KIF6: variants seen among roughly 807,000 people sequenced by gnomAD.
KIF6 encodes the protein kinesin family member 6.
Under a neutral mutation model 112.7 loss-of-function variants are expected in KIF6, and 106 were observed. The observed-to-expected ratio is 0.94, with a 90% CI of 0.80 to 1.11. The LOEUF is 1.11. Among genes scored for constraint, KIF6 ranks in the 50% least tolerant of loss-of-function variants. The pLI, the probability that KIF6 is intolerant of heterozygous loss-of-function variation, is 0.00. For missense variants in KIF6, 929 were observed against 964.0 expected (o/e 0.96, Z 0.48); for synonymous variants, 339 against 339.9 (o/e 1.00, Z 0.03).
At chr6:39,652,501 T>C (rs1785530098) in intron 3 of KIF6, among the ~76,000 whole-genome samples, 1 of 149,944 alleles carries the variant, frequency 6.7e-6, no homozygotes, top group South Asian at 2.1e-4. Flanking sequence ...TACTCCAGCC[T>C]GGGCAACAGG....
chr6:39,488,401 TG>T (rs1045795734), intron 13 of KIF6, among the ~76,000 whole-genome samples: 3 of 152,244 alleles, frequency 2.0e-5, no homozygotes, highest in African/African-American at 7.2e-5. Flanking sequence ...TCCCCTGTCT[TG>T]GACTTGCTGT....
intron 13 of KIF6, among the ~76,000 whole-genome samples, chr6:39,514,138 A>G (rs1776933888): frequency 6.6e-6 from 1 of 152,100 alleles, no homozygotes; most frequent in Admixed American, 6.6e-5. Context: ...CCTACTTTTG[A>G]ATTCATAATT....
intron 6 of KIF6, 35 bp downstream of exon 6, chr6:39,613,154 G>A (rs748178325): frequency 6.7e-7 from 1 of 1,499,498 alleles, no homozygotes; most frequent in Non-Finnish European, 8.9e-7. Context: ...ATCTTATAAT[G>A]TTGAAGAAAC....
chr6:39,702,540 A>G (rs151136313), intron 3 of KIF6, among the ~76,000 whole-genome samples: 4 of 152,328 alleles, frequency 2.6e-5, no homozygotes, highest in East Asian at 3.9e-4. Flanking sequence ...ACACAACTTA[A>G]TATCTTTCAT....
At chr6:39,340,888 A>G (rs1763290451) in intron 22 of KIF6, among the ~76,000 whole-genome samples, 1 of 152,066 alleles carries the variant, frequency 6.6e-6, no homozygotes, top group Admixed American at 6.6e-5. Context: ...GTTGGTTTCT[A>G]TGGATTTGTT....
intron 3 of KIF6, among the ~76,000 whole-genome samples, chr6:39,677,949 T>G (rs896142533): frequency 6.8e-6 from 1 of 147,424 alleles, no homozygotes; most frequent in African/African-American, 2.5e-5. Flanking sequence ...ACATTTGGGT[T>G]GGTTCCAAGT....
At chr6:39,401,436 G>A (rs1331345310) in intron 15 of KIF6, among the ~76,000 whole-genome samples, 1 of 152,190 alleles carries the variant, frequency 6.6e-6, no homozygotes, top group East Asian at 1.9e-4. Context: ...GAGACATGGA[G>A]GGAAGGCAGC....
chr6:39,563,405 T>A (rs1780115904), intron 10 of KIF6, among the ~76,000 whole-genome samples: 1 of 152,184 alleles, frequency 6.6e-6, no homozygotes, highest in Admixed American at 6.5e-5. Context: ...GTATTTTTCA[T>A]CACAAAAGTG....
chr6:39,632,589 A>G (rs1348849848), intron 5 of KIF6, among the ~76,000 whole-genome samples: 1 of 107,708 alleles, frequency 9.3e-6, no homozygotes, highest in African/African-American at 4.9e-5. Context: ...CAAGTACAGC[A>G]AAAAAAAAAA....
Position 39,596,275 on chromosome 6 carries a change from C to T in KIF6, c.640-15G>A. On this transcript the variant is annotated splice_polypyrimidine_tract_variant and intron_variant, in intron 6 of 22. Transcript: ENST00000287152. The stretch of plus-strand genomic sequence containing the variant: ...TTCATAGGAGTCTATAAAAAAATTG[C>T]AAAACAAAAATTATTTGAACAATGA... The T allele has an allele frequency of 1.9e-6, 3 of 1,554,120 alleles. No homozygotes were observed. Among genetic ancestry groups the T allele is most frequent in the Non-Finnish European group, 2.7e-6 (3 of 1,131,966 alleles).
intron 15 of KIF6, among the ~76,000 whole-genome samples, chr6:39,409,269 C>T (rs1338272976): frequency 6.6e-6 from 1 of 152,206 alleles, no homozygotes; most frequent in Admixed American, 6.5e-5. Flanking sequence ...GCATTGACAC[C>T]TGACTTTGGG....
intron 10 of KIF6, among the ~76,000 whole-genome samples, chr6:39,562,483 G>A (rs61581347): frequency 0.018 from 2,812 of 152,168 alleles, 76 homozygotes; most frequent in African/African-American, 0.061. Flanking sequence ...TTTTGATACC[G>A]AACCACGCAC....
At chr6:39,360,965 T>C (rs756335929) in intron 17 of KIF6, among the ~76,000 whole-genome samples, 29 of 152,186 alleles carry the variant, frequency 1.9e-4, no homozygotes, top group African/African-American at 6.3e-4. Context: ...TATAACTTGC[T>C]CTATGGGACA....
Position 39,353,983 on chromosome 6 carries a change from G to T in KIF6, c.2180+3294C>A, listed in dbSNP as rs1460846446. ...ACTGAGGGCACACTGACATTGCATGGCCTCTGTTTTCACATGGGTCCAAGC... is the reference window on the plus strand; with the variant it reads ...ACTGAGGGCACACTGACATTGCATGTCCTCTGTTTTCACATGGGTCCAAGC... On this transcript the variant is annotated intron_variant, in intron 19 of 22. Coordinates refer to ENST00000287152, the MANE Select transcript of KIF6 (RefSeq NM_145027.6). The T allele has an allele frequency of 1.8e-5, 8 of 450,666 alleles. No homozygotes were observed. The Admixed American group carries it at 2.0e-4, about 12-fold the overall frequency. The allele number at this position is 450,666 out of a possible 1,614,324, so 27.9% of individuals were successfully genotyped here.
rs188255060 is a variant in KIF6, at chr6:39,711,175, T to C, written c.251+3517A>G. ...GAGTTTTCAGATTGAAATAGCTGAC[T>C]GAGAGATAAGAATACATGAAAAAAA... On this transcript the variant is annotated intron_variant, in intron 3 of 22. Coordinates refer to ENST00000287152, the MANE Select transcript of KIF6 (RefSeq NM_145027.6). Among the ~76,000 whole-genome samples, 320 of 142,780 alleles carry C rather than the reference T, an allele frequency of 2.2e-3. 1 individual carries two copies. Among genetic ancestry groups the C allele is most frequent in the Middle Eastern group, 7.9e-3 (2 of 254 alleles). 93.7% of individuals were successfully genotyped at this position (142,780 alleles called of 152,430 possible). A position where few individuals can be genotyped will look rare whatever the true frequency, so the allele number is the denominator to read the frequency against.
At chr6:39,583,189 T>C in intron 9 of KIF6, 1 of 275,048 alleles carries the variant, frequency 3.6e-6, no homozygotes, top group East Asian at 8.4e-5. Context: ...GTCTAATATG[T>C]TTATTTTCCT....
chr6:39,519,932 G>T (rs1777294041), intron 13 of KIF6, among the ~76,000 whole-genome samples: 1 of 152,190 alleles, frequency 6.6e-6, no homozygotes, highest in East Asian at 1.9e-4. Flanking sequence ...TGAGGCAAGA[G>T]AATCGCTTGA....
At chr6:39,506,791 C>T (rs556081174) in intron 13 of KIF6, among the ~76,000 whole-genome samples, 7 of 152,216 alleles carry the variant, frequency 4.6e-5, no homozygotes, top group Admixed American at 4.6e-4. Context: ...AAGAGCAGGC[C>T]ATGATTAGAG....
rs368168479 is a variant in KIF6 at position 39,336,121 on chromosome 6, G to A, written c.*411C>T. On this transcript the variant is annotated 3_prime_UTR_variant, in exon 23 of 23. Coordinates refer to ENST00000287152, the MANE Select transcript of KIF6 (RefSeq NM_145027.6). The stretch of plus-strand genomic sequence containing the variant: ...GGCCAAGGGAGAGAGCTGGCAAATC[G>A]TTAAAAATAAAAATATTCCCCCCAC... The A allele has an allele frequency of 1.4e-3, 226 of 164,484 alleles. No homozygotes were observed. The highest frequency in any genetic ancestry group is 5.0e-3 in the African/African-American group (207 of 41,808). The allele number at this position is 164,484 out of a possible 1,614,324, so 10.2% of individuals were successfully genotyped here.
Sources: gnomAD v4.1 joint callset for allele counts (sites outside exome capture counted in the v4.1 genomes callset) on GRCh38, gnomAD v4.1.1 for gene constraint, MANE v1.5 for transcripts, NCBI Gene and HGNC (gene_info 2026-07-23, HGNC 2026-07-21) for gene names.